Variants in GSN observed in about 807,000 individuals in gnomAD.
The protein encoded by GSN is gelsolin.
A neutral mutation model predicts 85.7 loss-of-function variants in GSN; 56 were observed. That is an observed-to-expected ratio of 0.65 (90% CI 0.53 to 0.82). The LOEUF (loss-of-function observed/expected upper bound fraction) is 0.82, where lower values mean the gene tolerates loss of function less well. Among genes scored for constraint, GSN ranks in the 40% least tolerant of loss-of-function variants. GSN has a pLI of 0.00. For missense variants in GSN, 857 were observed against 979.8 expected, an observed-to-expected ratio of 0.87 and a Z score of 1.67; for synonymous variants, 373 against 399.1, an observed-to-expected ratio of 0.93 and a Z score of 0.78.
At chr9:121,253,155 C>T (rs924202257) in intron 6 of GSN, among the ~76,000 whole-genome samples, 1 of 152,248 alleles carries the variant, frequency 6.6e-6, no homozygotes, top group East Asian at 1.9e-4. Flanking sequence ...CTCTCATAAC[C>T]GAATTACCTC....
At chr9:121,331,363 CT>C in intron 16 of GSN, 24 bp from the exon 17 acceptor site, 1 of 1,536,308 alleles carries the variant, frequency 6.5e-7, no homozygotes, top group Non-Finnish European at 9.0e-7. Flanking sequence ...CCTCATGTAC[CT>C]TTCCTGTTGC....
intron 8 of GSN, 96 bp downstream of exon 8, chr9:121,317,314 T>C: frequency 7.6e-7 from 1 of 1,314,248 alleles, no homozygotes. Context: ...GAGTGTGGAG[T>C]GTGCCTGGTG....
At position 121,308,142 on chromosome 9, in the gene GSN, A is replaced by G. The variant is rs551891668; in HGVS notation, c.352-2542A>G. Among the ~76,000 whole-genome samples the G allele has an allele frequency of 3.9e-5, 6 of 152,322 alleles. No homozygotes were observed. In the South Asian group the frequency reaches 1.2e-3, roughly 32 times the overall value. On this transcript the variant is annotated intron_variant, in intron 4 of 17. Transcript: ENST00000432226. ...ACCGAGGTCAGTCATAGTGTGGCCAACCCACAGCTCCCTTGAAGGGGCCCT... is the reference window on the plus strand; with the variant it reads ...ACCGAGGTCAGTCATAGTGTGGCCAGCCCACAGCTCCCTTGAAGGGGCCCT...
upstream of GSN, among the ~76,000 whole-genome samples, chr9:121,266,960 G>A (rs968155644): frequency 6.6e-6 from 1 of 152,178 alleles, no homozygotes; most frequent in African/African-American, 2.4e-5. Flanking sequence ...TGGCTTCTGT[G>A]CTACTTAAAC....
At chr9:121,301,625 C>CAAAAAAAAAAAA (rs753963979) in intron 2 of GSN, among the ~76,000 whole-genome samples, 8 of 55,796 alleles carry the variant, frequency 1.4e-4, no homozygotes, top group Admixed American at 5.0e-4. Context: ...GACTCTGTCT[C>CAAAAAAAAAAAA]AAAAAAAAAA....
At chr9:121,298,965 T>C (rs2059477262) in intron 2 of GSN, among the ~76,000 whole-genome samples, 1 of 152,078 alleles carries the variant, frequency 6.6e-6, no homozygotes. Flanking sequence ...AGTCAATGAA[T>C]AGTACCTAAA....
chr9:121,301,871 G>A, intron 2 of GSN, 92 bp from the exon 3 acceptor site: 1 of 1,601,308 alleles, frequency 6.2e-7, no homozygotes, highest in Non-Finnish European at 8.5e-7. Flanking sequence ...CAAGTGAGAT[G>A]CTCTTGGTGC....
Position 121,299,982 on chromosome 9 carries a change from C to CAGGGGCGGGTGCCCG in GSN, c.-9-1977_-9-1963dup. The CAGGGGCGGGTGCCCG allele has an allele frequency of 7.1e-7, 1 of 1,402,452 alleles. No individual in the cohort carries two copies. Among genetic ancestry groups the CAGGGGCGGGTGCCCG allele is most frequent in the Non-Finnish European group, 9.3e-7 (1 of 1,069,846 alleles). 86.9% of individuals were successfully genotyped at this position (1,402,452 alleles called of 1,614,324 possible). Reference sequence around the variant, plus strand: ...GGGGGCGTCCCAGGCGGGGGCGCCCCAGGGGCGGGTGCCCGAGGCGCGGGT... The same window carrying CAGGGGCGGGTGCCCG: ...GGGGGCGTCCCAGGCGGGGGCGCCCCAGGGGCGGGTGCCCGAGGGGCGGGTGCCCGAGGCGCGGGT... On this transcript the variant is annotated intron_variant, in intron 2 of 17. Coordinates refer to ENST00000432226, the MANE Select transcript of GSN (RefSeq NM_198252.3). This position sits in a 1 kb window ranked among gnomAD's most constrained non-coding sequence, Gnocchi z 4.2.
At chr9:121,273,883 C>T (rs1274050171) in intron 1 of GSN, among the ~76,000 whole-genome samples, 1 of 152,128 alleles carries the variant, frequency 6.6e-6, no homozygotes, top group African/African-American at 2.4e-5. Flanking sequence ...ACAGGATTTG[C>T]CCAAGATCAC....
chr9:121,208,919 C>T (rs1048312108), intron 1 of GSN, among the ~76,000 whole-genome samples: 1 of 152,240 alleles, frequency 6.6e-6, no homozygotes, highest in Non-Finnish European at 1.5e-5. Flanking sequence ...GGACAGGGAC[C>T]ATCAGTGGAC....
At chr9:121,222,292 AG>A (rs575724523) in intron 4 of GSN, 530 of 152,374 alleles carry the variant, frequency 3.5e-3, no homozygotes, top group African/African-American at 0.012. Context: ...TAATGAAGAT[AG>A]GATCATACTA....
At chr9:121,278,616 G>A (rs2056954262) in intron 1 of GSN, among the ~76,000 whole-genome samples, 1 of 152,236 alleles carries the variant, frequency 6.6e-6, no homozygotes, top group African/African-American at 2.4e-5. Flanking sequence ...GTCCTAGGAT[G>A]TGATTCAGCA....
chr9:121,317,075 CG>C lies in GSN; in HGVS notation c.754-10del, dbSNP rs1483356153. The stretch of plus-strand genomic sequence containing the variant: ...ACTCATGTGCTGGTTCCTTCTGCTT[CG>C]TCCCCTCAGGTCTCCAATGGTGCAG... On this transcript the variant is annotated splice_polypyrimidine_tract_variant and intron_variant, in intron 7 of 17. Coordinates refer to ENST00000432226, the MANE Select transcript of GSN (RefSeq NM_198252.3). 4 of 1,613,998 alleles carry C rather than the reference CG, an allele frequency of 2.5e-6. No homozygotes were observed. The highest frequency in any genetic ancestry group is 1.7e-6 in the Non-Finnish European group (2 of 1,180,030).
At chr9:121,268,154 C>G (rs1010843083), upstream of GSN, 1 of 151,954 alleles carries the variant, frequency 6.6e-6, no homozygotes, top group Non-Finnish European at 1.5e-5. Flanking sequence ...GCCCCCGCCC[C>G]GCCGCCCGGA....
intron 7 of GSN, among the ~76,000 whole-genome samples, chr9:121,315,917 A>G (rs542766434): frequency 6.6e-6 from 1 of 152,366 alleles, no homozygotes; most frequent in South Asian, 2.1e-4. Context: ...AGACAGGGAT[A>G]GTAACAGAAC....
At chr9:121,240,562 G>A (rs1190634042) in intron 5 of GSN, among the ~76,000 whole-genome samples, 1 of 152,154 alleles carries the variant, frequency 6.6e-6, no homozygotes, top group Non-Finnish European at 1.5e-5. Context: ...ATATCCTTCT[G>A]GCCAAGTATC....
intron 5 of GSN, 156 bp downstream of exon 5, chr9:121,311,001 C>A: frequency 1.4e-6 from 1 of 700,886 alleles, no homozygotes; most frequent in South Asian, 1.6e-5. Context: ...TGCAAAGACT[C>A]CCACAAATGT....
chr9:121,250,428 A>T (rs1262909086), intron 6 of GSN, among the ~76,000 whole-genome samples: 1 of 150,494 alleles, frequency 6.6e-6, no homozygotes, highest in Non-Finnish European at 1.5e-5. Flanking sequence ...CTGGTTTCGA[A>T]CTCCTGACCT....
chr9:121,286,725 T>G, intron 2 of GSN: 1 of 1,535,444 alleles, frequency 6.5e-7, no homozygotes, highest in Non-Finnish European at 8.7e-7. Flanking sequence ...TCTCCTTACC[T>G]GTCTGATGAG....
Sources: gnomAD v4.1 joint callset for allele counts (sites outside exome capture counted in the v4.1 genomes callset) on GRCh38, gnomAD v4.1.1 for gene constraint, Gnocchi (gnomAD v3.1) non-coding constraint, MANE v1.5 for transcripts, NCBI Gene and HGNC (gene_info 2026-07-23, HGNC 2026-07-21) for gene names.